The following ARHGEF15 variants were observed in gnomAD, a reference collection of about 807,000 sequenced individuals.
The protein encoded by ARHGEF15 is Rho guanine nucleotide exchange factor 15, also known as Rho guanine nucleotide exchange factor (GEF) 15.
ARHGEF15 carries 58 observed loss-of-function variants against 79.7 expected under a neutral mutation model. The observed-to-expected ratio is 0.73, with a 90% CI of 0.59 to 0.91. ARHGEF15 has a LOEUF of 0.91. Ranked by LOEUF, ARHGEF15 falls within the 40% of genes least tolerant of loss-of-function variation. ARHGEF15 has a pLI of 0.00. For missense variants in ARHGEF15, 1,012 were observed against 1,108.1 expected, an observed-to-expected ratio of 0.91 and a Z score of 1.23; for synonymous variants, 442 against 456.0, an observed-to-expected ratio of 0.97 and a Z score of 0.39.
In ARHGEF15 at chr17:8,318,511, G is replaced by C. The variant is rs748002368; in HGVS notation, c.1779+50G>C. On this transcript the variant is annotated intron_variant, in intron 10 of 15. Coordinates refer to ENST00000361926, the MANE Select transcript of ARHGEF15 (RefSeq NM_173728.4). This position sits in a 1 kb window ranked among gnomAD's most constrained non-coding sequence, Gnocchi z 5.0. ...GGGGGAGGTGACAAGGTGGTAGAGA[G>C]AAATGGTAGGGAGCAGGGGGCTGGC... is the stretch of plus-strand genomic sequence containing the variant. 3 of 1,613,434 alleles carry C rather than the reference G, an allele frequency of 1.9e-6. No individual in the cohort carries two copies. The highest frequency in any genetic ancestry group is 2.5e-6 in the Non-Finnish European group (3 of 1,179,614).
rs778346368 is a variant in ARHGEF15 at position 8,313,076 on chromosome 17, C to T, written c.756C>T (p.His252=). Residue 252 remains histidine (H), a synonymous_variant, in exon 3 of 16, where the codon CAC becomes CAT. Transcript: ENST00000361926. ...SPLRTSRSRP[H]PPSIGHPAVV... ...TGCGGACCTCTCGCTCCCGCCCCCA[C>T]CCTCCAAGCATCGGTCACCCTGCCG... is the stretch of plus-strand genomic sequence containing the variant. The T allele has an allele frequency of 2.5e-6, 4 of 1,613,458 alleles. No individual in the cohort carries two copies. Among genetic ancestry groups the T allele is most frequent in the South Asian group, 1.1e-5 (1 of 91,080 alleles).
chr17:8,322,292 T>C lies in ARHGEF15; in HGVS notation c.*1299T>C, dbSNP rs1905433710. 6.6e-6 allele frequency: 1 copy of C among 152,420 alleles called. No individual in the cohort carries two copies. 9.4% of individuals were successfully genotyped at this position (152,420 alleles called of 1,614,324 possible). On this transcript the variant is annotated 3_prime_UTR_variant, in exon 16 of 16. Coordinates refer to ENST00000361926, the MANE Select transcript of ARHGEF15 (RefSeq NM_173728.4). Reference sequence around the variant, plus strand: ...CAGAGACAGCAAGGCAGACAGTGGCTGGCAGGGGGGCCCAGGCCCGGGACG... The same window carrying C: ...CAGAGACAGCAAGGCAGACAGTGGCCGGCAGGGGGGCCCAGGCCCGGGACG...
rs956580130 is a variant in ARHGEF15 at position 8,318,297 on chromosome 17, T to C, written c.1705-90T>C. On this transcript the variant is annotated intron_variant, in intron 9 of 15. Coordinates refer to ENST00000361926, the MANE Select transcript of ARHGEF15 (RefSeq NM_173728.4). The surrounding 1 kb of genome is among the most constrained non-coding windows in gnomAD (Gnocchi z 5.0). ...GTCTGTCAGCCTTGTTGAAACTGGC[T>C]GAAACAGACAGGGTCCTCTGAGCTG... 54 of 1,291,908 alleles carry C rather than the reference T, an allele frequency of 4.2e-5. No homozygotes were observed. Among genetic ancestry groups the C allele is most frequent in the Non-Finnish European group, 5.9e-5 (54 of 922,946 alleles). The allele number at this position is 1,291,908 out of a possible 1,614,324, so 80.0% of individuals were successfully genotyped here. A position where few individuals can be genotyped will look rare whatever the true frequency, so the allele number is the denominator to read the frequency against.
Position 8,321,097 on chromosome 17 carries a change from C to G in ARHGEF15, c.*104C>G, listed in dbSNP as rs1905361536. On this transcript the variant is annotated 3_prime_UTR_variant, in exon 16 of 16. Transcript: ENST00000361926. Reference sequence around the variant, plus strand: ...GATTCACTGTCAGTGGAGATACTACCTCTCGTGGCAACCATAGAGATCGAG... The same window carrying G: ...GATTCACTGTCAGTGGAGATACTACGTCTCGTGGCAACCATAGAGATCGAG... The G allele has an allele frequency of 6.7e-7, 1 of 1,494,350 alleles. No individual in the cohort carries two copies. The highest frequency in any genetic ancestry group is 9.2e-7 in the Non-Finnish European group (1 of 1,092,256). 92.6% of individuals were successfully genotyped at this position (1,494,350 alleles called of 1,614,324 possible). A position where few individuals can be genotyped will look rare whatever the true frequency, so the allele number is the denominator to read the frequency against.
intron 1 of ARHGEF15, among the ~76,000 whole-genome samples, chr17:8,311,714 C>T (rs1904630993): frequency 6.6e-6 from 1 of 151,754 alleles, no homozygotes; most frequent in South Asian, 2.1e-4. Flanking sequence ...CCACTCTCCC[C>T]CTGCACACCC....
rs376034940 is a variant in ARHGEF15 at position 8,315,266 on chromosome 17, C to A, written c.1249C>A (p.Arg417Ser). The change falls in exon 6 of 16, where the codon CGC (arginine) becomes AGC (serine). Residue 417 changes from arginine (R) to serine (S), a missense_variant. Coordinates refer to ENST00000361926, the MANE Select transcript of ARHGEF15 (RefSeq NM_173728.4). This position sits in a 1 kb window ranked among gnomAD's most constrained non-coding sequence, Gnocchi z 4.3. Reference sequence around the variant, plus strand: ...GGATACCCTCAGCCCCCAGGAGAGGCGCATGCAGGAGGTGGGAGCTGGAGG... The same window carrying A: ...GGATACCCTCAGCCCCCAGGAGAGGAGCATGCAGGAGGTGGGAGCTGGAGG... Reference protein sequence around the residue: ...LLDTLSPQERRMQESLFEVVT... With the variant: ...LLDTLSPQERSMQESLFEVVT... 4.4e-5 allele frequency: 71 copies of A among 1,612,608 alleles called. No homozygotes were observed. The highest frequency in any genetic ancestry group is 8.3e-5 in the Admixed American group (5 of 59,904).
chr17:8,312,608 C>G lies in ARHGEF15; in HGVS notation c.569C>G (p.Thr190Ser). Reference protein sequence around the residue: ...DVNGEREAPLTGSGSQENGAP... With the variant: ...DVNGEREAPLSGSGSQENGAP... ...AATGGGGAGAGAGAAGCTCCCCTCACCGGGAGTGGGTCCCAGGAGAACGGT... is the reference window on the plus strand; with the variant it reads ...AATGGGGAGAGAGAAGCTCCCCTCAGCGGGAGTGGGTCCCAGGAGAACGGT... Residue 190 changes from threonine to serine, a missense_variant, in exon 2 of 16, where the codon ACC becomes AGC. Physicochemically the swap from Thr to Ser is moderately conservative, Grantham distance 58. Transcript: ENST00000361926. 1 of 1,613,118 alleles carries G rather than the reference C, an allele frequency of 6.2e-7. No individual in the cohort carries two copies. The highest frequency in any genetic ancestry group is 8.5e-7 in the Non-Finnish European group (1 of 1,179,780).
intron 4 of ARHGEF15, 23 bp from the exon 5 acceptor site, chr17:8,314,883 T>G: frequency 6.2e-7 from 1 of 1,613,200 alleles, no homozygotes; most frequent in Non-Finnish European, 8.5e-7. Flanking sequence ...CCTGGGGACT[T>G]CCTTCCCTTT....
chr17:8,318,397 G>T lies in ARHGEF15; in HGVS notation c.1715G>T (p.Arg572Leu), dbSNP rs771433483. ...RLRMLLQNIL[R>L]QTEEGSSRQE... ...CCTCCTTGTCCCCAGAATATCCTGC[G>T]CCAGACAGAAGAGGGGTCCAGCCGT... Residue 572 changes from arginine to leucine, a missense_variant, in exon 10 of 16, where the codon CGC becomes CTC. Transcript: ENST00000361926. The surrounding 1 kb of genome is among the most constrained non-coding windows in gnomAD (Gnocchi z 5.0). 4 of 1,613,784 alleles carry T rather than the reference G, an allele frequency of 2.5e-6. No homozygotes were observed. The South Asian group carries it at 3.3e-5, about 13-fold the overall frequency.
chr17:8,312,707 A>C, intron 2 of ARHGEF15, 67 bp downstream of exon 2: 2 of 1,607,930 alleles, frequency 1.2e-6, no homozygotes, highest in Non-Finnish European at 1.7e-6. Flanking sequence ...TTCAGTGCTA[A>C]CAACTTTCAG....
chr17:8,314,476 G>C (rs183033780), intron 4 of ARHGEF15, among the ~76,000 whole-genome samples: 520 of 152,162 alleles, frequency 3.4e-3, no homozygotes, highest in Non-Finnish European at 5.3e-3. Context: ...CACACAAATA[G>C]GGCGTTCCAG....
chr17:8,318,425 G>A lies in ARHGEF15; in HGVS notation c.1743G>A (p.Gln581=). The A allele has an allele frequency of 1.9e-6, 3 of 1,614,080 alleles. No individual in the cohort carries two copies. The South Asian group carries it at 3.3e-5, about 18-fold the overall frequency. ...LRQTEEGSSR[Q]ENAQKALGAV... ...AGACAGAAGAGGGGTCCAGCCGTCA[G>A]GAGAATGCCCAGAAGGCCCTGGGTG... is the stretch of plus-strand genomic sequence containing the variant. The change falls in exon 10 of 16, where the codon CAG becomes CAA. Residue 581 remains glutamine (Q), a synonymous_variant. Transcript: ENST00000361926. This position sits in a 1 kb window ranked among gnomAD's most constrained non-coding sequence, Gnocchi z 5.0.
Position 8,313,189 on chromosome 17 carries a change from C to G in ARHGEF15, c.869C>G (p.Ala290Gly), listed in dbSNP as rs200629405. 1 of 1,609,830 alleles carries G rather than the reference C, an allele frequency of 6.2e-7. No individual in the cohort carries two copies. Among genetic ancestry groups the G allele is most frequent in the Admixed American group, 1.7e-5 (1 of 60,028 alleles). ...PPKPTRVRQD[A>G]TIFGDPPQPD... ...AAACCAACTCGTGTCAGGCAGGATGCCACCATTTTCGGGGACCCCCCACAG... is the reference window on the plus strand; with the variant it reads ...AAACCAACTCGTGTCAGGCAGGATGGCACCATTTTCGGGGACCCCCCACAG... The change falls in exon 3 of 16, where the codon GCC becomes GGC. Residue 290 changes from alanine to glycine, a missense_variant. Transcript: ENST00000361926.
intron 15 of ARHGEF15, 94 bp downstream of exon 15, chr17:8,319,697 G>A (rs1482160140): frequency 3.7e-6 from 4 of 1,067,062 alleles, no homozygotes; most frequent in Non-Finnish European, 5.1e-6. Flanking sequence ...GTGCAGTGGT[G>A]TGAGCTCGGC....
In ARHGEF15 at chr17:8,315,957, G is replaced by A. The variant is rs1266219482; in HGVS notation, c.1574+50G>A. The A allele has an allele frequency of 1.9e-6, 3 of 1,601,128 alleles. No homozygotes were observed. Among genetic ancestry groups the A allele is most frequent in the African/African-American group, 2.7e-5 (2 of 75,006 alleles). ...AAGCTGGGGAGAGGGATGGGACCGA[G>A]GCCACAGCAGGTTGGGGCACCAGGG... is the stretch of plus-strand genomic sequence containing the variant. On this transcript the variant is annotated intron_variant, in intron 8 of 15. Transcript: ENST00000361926. This position sits in a 1 kb window ranked among gnomAD's most constrained non-coding sequence, Gnocchi z 4.3.
At position 8,320,888 on chromosome 17, in the gene ARHGEF15, T is replaced by C. The variant is rs867032919; in HGVS notation, c.2421T>C (p.Cys807=). The part of the protein sequence containing the change: ...LPGAFPAQLV[C]EVTGEHERRR... Reference sequence around the variant, plus strand: ...GGGCCTTCCCTGCCCAGCTGGTGTGTGAAGTCACAGGGGAACACGAAAGGA... The same window carrying C: ...GGGCCTTCCCTGCCCAGCTGGTGTGCGAAGTCACAGGGGAACACGAAAGGA... Residue 807 remains cysteine (C), a synonymous_variant, in exon 16 of 16, where the codon TGT becomes TGC. Coordinates refer to ENST00000361926, the MANE Select transcript of ARHGEF15 (RefSeq NM_173728.4). The C allele has an allele frequency of 6.2e-7, 1 of 1,613,688 alleles. No homozygotes were observed. Among genetic ancestry groups the C allele is most frequent in the Middle Eastern group, 1.7e-4 (1 of 5,866 alleles).
At position 8,318,576 on chromosome 17, in the gene ARHGEF15, GAGCGTTGC is replaced by G; in HGVS notation, c.1791_1798del (p.Cys598Ter). ...CACAGCTCCCCTTACCTAGATCATC[GAGCGTTGC>G]AGCGCTGAGGTGGGGCGCATGAAGC... is the stretch of plus-strand genomic sequence containing the variant. On this transcript the variant is annotated frameshift_variant, in exon 11 of 16. Coordinates refer to ENST00000361926, the MANE Select transcript of ARHGEF15 (RefSeq NM_173728.4). LOFTEE classifies it high-confidence loss of function. This position sits in a 1 kb window ranked among gnomAD's most constrained non-coding sequence, Gnocchi z 5.0. 1 of 1,613,404 alleles carries G rather than the reference GAGCGTTGC, an allele frequency of 6.2e-7. No homozygotes were observed. Among genetic ancestry groups the G allele is most frequent in the East Asian group, 2.2e-5 (1 of 44,860 alleles).
Position 8,321,017 on chromosome 17 carries a change from G to T in ARHGEF15, c.*24G>T. 3.1e-6 allele frequency: 5 copies of T among 1,613,702 alleles called. No individual in the cohort carries two copies. The highest frequency in any genetic ancestry group is 3.4e-6 in the Non-Finnish European group (4 of 1,179,798). ...AATGCAGGCTGAGGAGGGGGCACAT[G>T]TTGGGAGACACCTACCAGTGTGGCA... On this transcript the variant is annotated 3_prime_UTR_variant, in exon 16 of 16. Coordinates refer to ENST00000361926, the MANE Select transcript of ARHGEF15 (RefSeq NM_173728.4).
chr17:8,316,771 T>C (rs1396377462), intron 9 of ARHGEF15, among the ~76,000 whole-genome samples: 2 of 152,080 alleles, frequency 1.3e-5, no homozygotes, highest in Non-Finnish European at 2.9e-5. Flanking sequence ...AGACACTTTC[T>C]TCCTCCTCCT....
Sources: allele counts gnomAD v4.1 joint callset (sites outside exome capture counted in the v4.1 genomes callset), GRCh38; gene constraint gnomAD v4.1.1; non-coding constraint Gnocchi (gnomAD v3.1); transcripts MANE v1.5; gene names NCBI Gene and HGNC (gene_info 2026-07-23, HGNC 2026-07-21).